Variants in PLD1 observed in about 807,000 individuals in gnomAD.
The protein encoded by PLD1 is phospholipase D1, also known as choline phosphatase 1.
In PLD1, 112 loss-of-function variants were observed where a neutral mutation model predicts 137.1. The observed-to-expected ratio is 0.82, with a 90% confidence interval of 0.70 to 0.96. PLD1 has a LOEUF of 0.96. Ranked by LOEUF, PLD1 falls within the 40% of genes least tolerant of loss-of-function variation. PLD1 has a pLI of 0.00. For synonymous variants in PLD1, 431 were observed against 454.7 expected (o/e 0.95, Z 0.66); for missense variants, 1,321 against 1,342.0 (o/e 0.98, Z 0.24).
At chr3:171,685,971 T>C (rs1248313493) in intron 16 of PLD1, among the ~76,000 whole-genome samples, 1 of 151,884 alleles carries the variant, frequency 6.6e-6, no homozygotes, top group Admixed American at 6.6e-5. Flanking sequence ...GTACAAAAAT[T>C]AGCCAGGCAC....
intron 17 of PLD1, 99 bp downstream of exon 17, chr3:171,677,467 C>T: frequency 8.1e-7 from 1 of 1,237,424 alleles, no homozygotes; most frequent in Non-Finnish European, 1.1e-6. Flanking sequence ...TCAACGGAAG[C>T]AAAACAAAAG....
chr3:171,684,009 C>T (rs935757199), intron 16 of PLD1, among the ~76,000 whole-genome samples: 1 of 152,196 alleles, frequency 6.6e-6, no homozygotes, highest in African/African-American at 2.4e-5. Context: ...CTATCTCTCT[C>T]TCTGTCTCTC....
chr3:171,693,435 C>T (rs1341141490), intron 12 of PLD1, among the ~76,000 whole-genome samples: 1 of 152,082 alleles, frequency 6.6e-6, no homozygotes, highest in African/African-American at 2.4e-5. Flanking sequence ...GGCTAAACTG[C>T]CCCTTACTGG....
intron 21 of PLD1, among the ~76,000 whole-genome samples, chr3:171,652,178 C>G (rs1006343092): frequency 1.3e-5 from 2 of 152,018 alleles, no homozygotes; most frequent in African/African-American, 4.8e-5. Context: ...CTTTGGCAGG[C>G]CAAGGCGGGC....
chr3:171,688,347 A>G (rs566064787), intron 14 of PLD1, among the ~76,000 whole-genome samples: 8 of 152,342 alleles, frequency 5.3e-5, no homozygotes, highest in Admixed American at 3.3e-4. Context: ...ATTGCCACAT[A>G]TTTTTGTTTA....
intron 19 of PLD1, among the ~76,000 whole-genome samples, chr3:171,664,282 A>C (rs900099742): frequency 6.6e-6 from 1 of 152,224 alleles, no homozygotes; most frequent in Non-Finnish European, 1.5e-5. Context: ...TTGAAGAAAT[A>C]GAAGTTTTAA....
At chr3:171,687,142 A>C (rs1714647466) in intron 15 of PLD1, among the ~76,000 whole-genome samples, 1 of 152,252 alleles carries the variant, frequency 6.6e-6, no homozygotes, top group Non-Finnish European at 1.5e-5. Flanking sequence ...TAGAAGTGGT[A>C]ATCGTGGTCG....
At chr3:171,803,489 T>A (rs1380074593) in intron 1 of PLD1, among the ~76,000 whole-genome samples, 1 of 152,130 alleles carries the variant, frequency 6.6e-6, no homozygotes, top group Non-Finnish European at 1.5e-5. Flanking sequence ...GGTGTAAATA[T>A]TCCTGGAAGG....
intron 11 of PLD1, among the ~76,000 whole-genome samples, chr3:171,705,944 A>T (rs1290892512): frequency 6.6e-6 from 1 of 152,220 alleles, no homozygotes; most frequent in Non-Finnish European, 1.5e-5. Flanking sequence ...TTGTAAAAAA[A>T]ATATGCTTCA....
At chr3:171,644,729 T>A (rs1404716582) in intron 22 of PLD1, among the ~76,000 whole-genome samples, 181 bp downstream of exon 22, 1 of 152,240 alleles carries the variant, frequency 6.6e-6, no homozygotes. Flanking sequence ...CAATCATTTA[T>A]CATTGTAGGC....
At chr3:171,776,560 A>G (rs1223204818) in intron 1 of PLD1, among the ~76,000 whole-genome samples, 1 of 152,212 alleles carries the variant, frequency 6.6e-6, no homozygotes, top group Non-Finnish European at 1.5e-5. Context: ...AAGCTGAAAC[A>G]ATGGGCTCTC....
chr3:171,616,313 A>G (rs1041272373), intron 24 of PLD1, among the ~76,000 whole-genome samples: 3 of 152,172 alleles, frequency 2.0e-5, no homozygotes, highest in African/African-American at 7.2e-5. Context: ...AGTTGGATTT[A>G]TCTTTCCTTT....
intron 1 of PLD1, among the ~76,000 whole-genome samples, chr3:171,786,937 A>C (rs1162600190): frequency 6.6e-6 from 1 of 152,078 alleles, no homozygotes; most frequent in African/African-American, 2.4e-5. Context: ...AACTCCCTTC[A>C]TCGGTAAGTT....
intron 23 of PLD1, among the ~76,000 whole-genome samples, chr3:171,635,585 G>C (rs1467590886): frequency 6.6e-6 from 1 of 151,898 alleles, no homozygotes; most frequent in African/African-American, 2.4e-5. Context: ...TACCTGTTTA[G>C]CTGCTTTGCC....
intron 24 of PLD1, among the ~76,000 whole-genome samples, chr3:171,613,084 C>G (rs1201298395): frequency 6.7e-6 from 1 of 150,050 alleles, no homozygotes; most frequent in Non-Finnish European, 1.5e-5. Flanking sequence ...GCAGGAGGAT[C>G]GCCTGAGCCT....
intron 1 of PLD1, among the ~76,000 whole-genome samples, chr3:171,798,608 G>A (rs1723522067): frequency 6.6e-6 from 1 of 152,198 alleles, no homozygotes; most frequent in Admixed American, 6.5e-5. Context: ...CTTTGGTTGT[G>A]TTAAAATAAT....
intron 9 of PLD1, among the ~76,000 whole-genome samples, chr3:171,710,413 T>C (rs910752648): frequency 5.3e-5 from 8 of 152,090 alleles, no homozygotes; most frequent in Non-Finnish European, 8.8e-5. Context: ...TGGGGAGTAG[T>C]TTCGAGATGA....
intron 19 of PLD1, 114 bp downstream of exon 19, chr3:171,674,380 GTTTTGC>G: frequency 2.0e-6 from 1 of 500,624 alleles, no homozygotes. Context: ...GATCCATTTA[GTTTTGC>G]TTTAGAAAAG....
At chr3:171,670,436 C>G (rs1426151663) in intron 19 of PLD1, among the ~76,000 whole-genome samples, 1 of 152,148 alleles carries the variant, frequency 6.6e-6, no homozygotes, top group Non-Finnish European at 1.5e-5. Flanking sequence ...TAAAGCTAAG[C>G]AAGGGCCTGA....
Sources: allele counts gnomAD v4.1 joint callset (sites outside exome capture counted in the v4.1 genomes callset), GRCh38; gene constraint gnomAD v4.1.1; transcripts MANE v1.5; gene names NCBI Gene and HGNC (gene_info 2026-07-23, HGNC 2026-07-21).